GPC5: variants seen among roughly 807,000 people sequenced by gnomAD.
GPC5 encodes the protein glypican 5, also known as glypican-5.
In GPC5, 47 loss-of-function variants were observed where a neutral mutation model predicts 53.9. The ratio of observed to expected loss-of-function variants is 0.87; its 90% CI spans 0.69 to 1.11. The LOEUF is 1.11. Ranked by LOEUF, GPC5 falls within the 50% of genes most tolerant of loss-of-function variation. The pLI is 0.00. For missense variants in GPC5, 748 were observed against 713.1 expected, an observed-to-expected ratio of 1.05 and a Z score of -0.56; for synonymous variants, 286 against 263.3, an observed-to-expected ratio of 1.09 and a Z score of -0.84.
intron 5 of GPC5, among the ~76,000 whole-genome samples, chr13:91,789,519 G>T (rs1432810124): frequency 2.0e-5 from 3 of 152,060 alleles, no homozygotes; most frequent in Non-Finnish European, 2.9e-5. Flanking sequence ...TTTTTCAATT[G>T]TGAGAATTTT....
At chr13:92,319,944 T>A (rs1369497046) in intron 7 of GPC5, among the ~76,000 whole-genome samples, 1 of 152,192 alleles carries the variant, frequency 6.6e-6, no homozygotes, top group Non-Finnish European at 1.5e-5. Context: ...TTTGTGTGTA[T>A]AATGAAAATT....
intron 6 of GPC5, among the ~76,000 whole-genome samples, chr13:91,928,574 G>A (rs560736005): frequency 2.0e-5 from 3 of 152,238 alleles, no homozygotes; most frequent in African/African-American, 7.2e-5. Flanking sequence ...TGAGGGACAG[G>A]AAAAGATGCT....
At chr13:92,332,155 A>G (rs1041600830) in intron 7 of GPC5, among the ~76,000 whole-genome samples, 1 of 152,184 alleles carries the variant, frequency 6.6e-6, no homozygotes, top group Non-Finnish European at 1.5e-5. Flanking sequence ...AATCCTTCAG[A>G]TTTTTAAATA....
At chr13:92,854,436 G>A (rs1385134514) in intron 7 of GPC5, among the ~76,000 whole-genome samples, 1 of 150,666 alleles carries the variant, frequency 6.6e-6, no homozygotes, top group African/African-American at 2.4e-5. Flanking sequence ...AATGCAATAA[G>A]AAACATTCCT....
intron 7 of GPC5, among the ~76,000 whole-genome samples, chr13:92,643,057 T>C (rs1263814969): frequency 6.6e-6 from 1 of 152,130 alleles, no homozygotes; most frequent in African/African-American, 2.4e-5. Flanking sequence ...CTTTGCCCAC[T>C]TTTTGATGGG....
At chr13:92,347,861 ATATTATATATATAATATATAT>A (rs2043427931) in intron 7 of GPC5, among the ~76,000 whole-genome samples, 1 of 17,234 alleles carries the variant, frequency 5.8e-5, no homozygotes. Context: ...ATACATATAT[ATATTATATATATAATATATAT>A]TATATATATT....
intron 7 of GPC5, among the ~76,000 whole-genome samples, chr13:92,187,529 TG>T (rs1555317592): frequency 1.3e-5 from 2 of 152,204 alleles, no homozygotes; most frequent in Non-Finnish European, 2.9e-5. Context: ...TGGATTCCAA[TG>T]TTCAAGGTAA....
At chr13:91,915,070 C>T (rs2139008049) in intron 6 of GPC5, among the ~76,000 whole-genome samples, 1 of 152,252 alleles carries the variant, frequency 6.6e-6, no homozygotes, top group Admixed American at 6.5e-5. Context: ...TGACTCCTTT[C>T]CCCACAACTC....
intron 2 of GPC5, among the ~76,000 whole-genome samples, chr13:91,472,373 C>T (rs1199332659): frequency 6.6e-6 from 1 of 152,128 alleles, no homozygotes; most frequent in Non-Finnish European, 1.5e-5. Context: ...TCTTGTTTTG[C>T]TACTTTAGAC....
At chr13:92,225,234 T>C (rs1240008273) in intron 7 of GPC5, among the ~76,000 whole-genome samples, 1 of 152,258 alleles carries the variant, frequency 6.6e-6, no homozygotes, top group Non-Finnish European at 1.5e-5. Flanking sequence ...GATTAATTTA[T>C]GGCATTAATC....
At chr13:92,368,437 A>G (rs947350053) in intron 7 of GPC5, among the ~76,000 whole-genome samples, 1 of 151,334 alleles carries the variant, frequency 6.6e-6, no homozygotes, top group Non-Finnish European at 1.5e-5. Context: ...TGAGGTCAGG[A>G]GTTTAAGACC....
chr13:92,633,048 G>A (rs540994366), intron 7 of GPC5, among the ~76,000 whole-genome samples: 137 of 152,024 alleles, frequency 9.0e-4, no homozygotes, highest in Non-Finnish European at 1.7e-3. Context: ...GCACCACTAT[G>A]CCCAGCTTAT....
chr13:92,715,154 G>T (rs747025692), intron 7 of GPC5, among the ~76,000 whole-genome samples: 1 of 152,102 alleles, frequency 6.6e-6, no homozygotes, highest in Non-Finnish European at 1.5e-5. Context: ...ATGTTGCAAC[G>T]AAAAATATAA....
chr13:92,226,631 CT>C (rs1384693388), intron 7 of GPC5, among the ~76,000 whole-genome samples: 1,450 of 143,514 alleles, frequency 0.01, 4 homozygotes, highest in Non-Finnish European at 0.016. Context: ...TTCTTTTTTT[CT>C]TTTTTTTTTT....
intron 7 of GPC5, among the ~76,000 whole-genome samples, chr13:92,678,819 A>G (rs963352861): frequency 6.6e-6 from 1 of 152,178 alleles, no homozygotes. Context: ...TGTTATTGCA[A>G]TCACCTAGGA....
intron 2 of GPC5, among the ~76,000 whole-genome samples, chr13:91,656,625 G>C (rs1001506918): frequency 2.0e-5 from 3 of 152,186 alleles, no homozygotes; most frequent in Non-Finnish European, 2.9e-5. Context: ...AATCACATCA[G>C]TTGTTTGGTG....
intron 7 of GPC5, among the ~76,000 whole-genome samples, chr13:92,244,416 G>T (rs2042635586): frequency 6.6e-6 from 1 of 152,080 alleles, no homozygotes; most frequent in South Asian, 2.1e-4. Context: ...GCAAACATAG[G>T]CCAGTTTTTA....
intron 7 of GPC5, among the ~76,000 whole-genome samples, chr13:92,431,928 G>C (rs1420637162): frequency 6.6e-6 from 1 of 152,178 alleles, no homozygotes; most frequent in African/African-American, 2.4e-5. Flanking sequence ...GCAGATTGTA[G>C]GAAGTTGTCA....
At chr13:91,787,347 T>C (rs2037896027) in intron 5 of GPC5, among the ~76,000 whole-genome samples, 1 of 152,210 alleles carries the variant, frequency 6.6e-6, no homozygotes, top group Non-Finnish European at 1.5e-5. Context: ...TATGAACCTT[T>C]TATGAGATTC....
Sources: allele counts gnomAD v4.1 joint callset (sites outside exome capture counted in the v4.1 genomes callset), GRCh38; gene constraint gnomAD v4.1.1; transcripts MANE v1.5; gene names NCBI Gene and HGNC (gene_info 2026-07-23, HGNC 2026-07-21).